TULP4: variants seen among roughly 807,000 people sequenced by gnomAD.
The protein encoded by TULP4 is tubby-related protein 4.
In TULP4, 16 loss-of-function variants were observed where a neutral mutation model predicts 129.0. The ratio of observed to expected loss-of-function variants is 0.12; its 90% CI spans 0.08 to 0.19. The LOEUF is 0.19. Among genes scored for constraint, TULP4 ranks in the 10% least tolerant of loss-of-function variants. The probability of loss-of-function intolerance (pLI) is 1.00; values close to 1 mark genes in which losing one functional copy is unlikely to be tolerated. For missense variants in TULP4, 1,842 were observed against 2,059.1 expected (o/e 0.89, Z 2.04); for synonymous variants, 998 against 854.0 (o/e 1.17, Z -2.94).
At chr6:158,453,649 C>T (rs1164882619) in intron 5 of TULP4, among the ~76,000 whole-genome samples, 2 of 151,610 alleles carry the variant, frequency 1.3e-5, no homozygotes, top group Non-Finnish European at 2.9e-5. Flanking sequence ...ATTAGCTGGG[C>T]GTGGTAGCAG....
chr6:158,461,657 T>C lies in TULP4; in HGVS notation c.954T>C (p.Leu318=), dbSNP rs754775195. The change falls in exon 6 of 14, where the codon CTT becomes CTC. Residue 318 remains leucine, a synonymous_variant. Transcript: ENST00000367097. Reference sequence around the variant, plus strand: ...TTGGTGAGCTTCCCAATGGTCCCCTTCTGAAGAGTGCCATGGTCAAGTTCT... The same window carrying C: ...TTGGTGAGCTTCCCAATGGTCCCCTCCTGAAGAGTGCCATGGTCAAGTTCT... ...TQLGELPNGP[L]LKSAMVKFYN... 6 of 1,613,956 alleles carry C rather than the reference T, an allele frequency of 3.7e-6. No individual in the cohort carries two copies. Among genetic ancestry groups the C allele is most frequent in the Admixed American group, 1.7e-5 (1 of 59,994 alleles).
At chr6:158,272,379 C>T (rs1328246239) in intron 1 of TULP4, among the ~76,000 whole-genome samples, 1 of 152,036 alleles carries the variant, frequency 6.6e-6, no homozygotes, top group Non-Finnish European at 1.5e-5. Flanking sequence ...ATTAATAGCT[C>T]GTATTTGTTT....
At chr6:158,255,197 T>A (rs1778222422) in intron 1 of TULP4, among the ~76,000 whole-genome samples, 1 of 152,310 alleles carries the variant, frequency 6.6e-6, no homozygotes, top group African/African-American at 2.4e-5. Flanking sequence ...CAGGTGTTGC[T>A]GGAGGGGGCT....
At chr6:158,419,696 A>G (rs192329185) in intron 2 of TULP4, among the ~76,000 whole-genome samples, 35 of 152,366 alleles carry the variant, frequency 2.3e-4, no homozygotes, top group Non-Finnish European at 3.8e-4. Flanking sequence ...TTAGTATCAG[A>G]TAAAGTAGAT....
At chr6:158,263,943 T>G (rs7383354) in intron 1 of TULP4, among the ~76,000 whole-genome samples, 23 of 151,836 alleles carry the variant, frequency 1.5e-4, no homozygotes, top group Non-Finnish European at 2.8e-4. Context: ...GGTGCCTGTA[T>G]TCCCAGCTAC....
chr6:158,369,482 A>AGAGT (rs1562538443), intron 1 of TULP4, among the ~76,000 whole-genome samples: 1 of 152,206 alleles, frequency 6.6e-6, no homozygotes, highest in East Asian at 1.9e-4. Context: ...CTTGGGCAAC[A>AGAGT]GAGTGAGACC....
At chr6:158,440,840 G>T (rs62438577) in intron 3 of TULP4, among the ~76,000 whole-genome samples, 5,084 of 152,304 alleles carry the variant, frequency 0.033, 126 homozygotes, top group Middle Eastern at 0.068. Flanking sequence ...AGCAGAAACA[G>T]GTGCAGCTAC....
chr6:158,365,747 A>AG (rs1780927915), intron 1 of TULP4, among the ~76,000 whole-genome samples: 1 of 151,878 alleles, frequency 6.6e-6, no homozygotes, highest in African/African-American at 2.4e-5. Context: ...CTGGGATTAC[A>AG]GGCATGAGCT....
intron 1 of TULP4, among the ~76,000 whole-genome samples, chr6:158,339,174 C>G (rs557358498): frequency 6.6e-6 from 1 of 152,234 alleles, no homozygotes; most frequent in African/African-American, 2.4e-5. Context: ...AAGCTGGTGT[C>G]CTGGGGGAGA....
At chr6:158,292,897 G>A (rs117835069) in intron 1 of TULP4, among the ~76,000 whole-genome samples, 1 of 152,252 alleles carries the variant, frequency 6.6e-6, no homozygotes, top group East Asian at 1.9e-4. Flanking sequence ...TGTGTGACAT[G>A]TGACACAGGC....
At chr6:158,239,385 G>C (rs1298265926) in intron 1 of TULP4, among the ~76,000 whole-genome samples, 1 of 68,860 alleles carries the variant, frequency 1.5e-5, no homozygotes, top group Non-Finnish European at 3.4e-5. Flanking sequence ...CCTCCCTCCC[G>C]GACGGGGCGG....
At chr6:158,374,558 G>A (rs1436517468) in intron 1 of TULP4, among the ~76,000 whole-genome samples, 2 of 152,150 alleles carry the variant, frequency 1.3e-5, no homozygotes, top group African/African-American at 4.8e-5. Context: ...ACTGACTTAG[G>A]CAACACAGCT....
intron 1 of TULP4, among the ~76,000 whole-genome samples, chr6:158,405,176 A>C (rs907263805): frequency 6.6e-6 from 1 of 152,252 alleles, no homozygotes; most frequent in Non-Finnish European, 1.5e-5. Flanking sequence ...ACTGTCTAAC[A>C]AGATAGTTTT....
intron 1 of TULP4, among the ~76,000 whole-genome samples, chr6:158,355,333 G>T (rs1780620625): frequency 6.6e-6 from 1 of 152,088 alleles, no homozygotes; most frequent in Admixed American, 6.5e-5. Flanking sequence ...TGATCCTCCT[G>T]CCTTGGCCTC....
chr6:158,392,989 A>T (rs371540373), intron 1 of TULP4, among the ~76,000 whole-genome samples: 32,828 of 136,062 alleles, frequency 0.24, 4,576 homozygotes, highest in Non-Finnish European at 0.33. Context: ...TGTATTTAAA[A>T]AAAAAAAAAA....
At chr6:158,443,729 T>C (rs375210591) in intron 3 of TULP4, among the ~76,000 whole-genome samples, 166 of 151,860 alleles carry the variant, frequency 1.1e-3, no homozygotes, top group African/African-American at 3.9e-3. Flanking sequence ...GATTTAGGAG[T>C]GATTGTTATA....
At chr6:158,252,545 T>C (rs1020191655) in intron 1 of TULP4, among the ~76,000 whole-genome samples, 1 of 151,964 alleles carries the variant, frequency 6.6e-6, no homozygotes, top group African/African-American at 2.4e-5. Flanking sequence ...CCAGCTACTT[T>C]TTGTATTTTC....
At chr6:158,458,291 A>C (rs572303285) in intron 5 of TULP4, among the ~76,000 whole-genome samples, 3 of 152,240 alleles carry the variant, frequency 2.0e-5, no homozygotes, top group Admixed American at 2.0e-4. Flanking sequence ...AAAAGGATCC[A>C]TAAGATTTTC....
Position 158,420,269 on chromosome 6 carries a change from C to T in TULP4, c.381+7076C>T, listed in dbSNP as rs151179630. Among the ~76,000 whole-genome samples the T allele has an allele frequency of 3.9e-3, 588 of 152,148 alleles. 4 individuals carry two copies. The highest frequency in any genetic ancestry group is 0.014 in the African/African-American group (566 of 41,494). On this transcript the variant is annotated intron_variant, in intron 2 of 13. Coordinates refer to ENST00000367097, the MANE Select transcript of TULP4 (RefSeq NM_020245.5). The stretch of plus-strand genomic sequence containing the variant: ...TTCTTTTGATTTTTTTCTTCTCAAC[C>T]ACTTAAAACCATTCTCAGTTTGTGG...
Sources: allele counts gnomAD v4.1 joint callset (sites outside exome capture counted in the v4.1 genomes callset), GRCh38; gene constraint gnomAD v4.1.1; transcripts MANE v1.5; gene names NCBI Gene and HGNC (gene_info 2026-07-23, HGNC 2026-07-21).